Variants in NCKAP5 observed in about 807,000 individuals in gnomAD.
The protein encoded by NCKAP5 is nck-associated protein 5.
In NCKAP5, 92 loss-of-function variants were observed where a neutral mutation model predicts 167.0. The ratio of observed to expected loss-of-function variants is 0.55; its 90% CI spans 0.47 to 0.66. The LOEUF (loss-of-function observed/expected upper bound fraction) is 0.66. Ranked by LOEUF, NCKAP5 falls within the 30% of genes least tolerant of loss-of-function variation. The probability of loss-of-function intolerance (pLI) is 0.00; values close to 1 mark genes in which losing one functional copy is unlikely to be tolerated. For synonymous variants in NCKAP5, 891 were observed against 877.4 expected (o/e 1.02, Z -0.27); for missense variants, 2,378 against 2,315.0 (o/e 1.03, Z -0.56).
the NCKAP5 span, among the ~76,000 whole-genome samples, chr2:133,622,213 G>A: frequency 1.2e-4 from 18 of 152,176 alleles, 1 homozygote; most frequent in African/African-American, 4.3e-4. Flanking sequence ...CACTCCCCCT[G>A]AGAACTAGAC....
At chr2:132,910,255 G>A (rs1044095281) in intron 8 of NCKAP5, among the ~76,000 whole-genome samples, 3 of 152,066 alleles carry the variant, frequency 2.0e-5, no homozygotes, top group African/African-American at 7.2e-5. Flanking sequence ...GTGTTACAAA[G>A]AATCCAATTA....
At chr2:133,001,302 C>G (rs1375110338) in intron 6 of NCKAP5, among the ~76,000 whole-genome samples, 4 of 151,158 alleles carry the variant, frequency 2.6e-5, no homozygotes, top group Admixed American at 1.3e-4. Context: ...TCACTGCAAC[C>G]TTTGCTTCCC....
At chr2:132,962,563 A>G (rs566293497) in intron 8 of NCKAP5, among the ~76,000 whole-genome samples, 19 of 152,066 alleles carry the variant, frequency 1.2e-4, no homozygotes, top group Non-Finnish European at 2.5e-4. Context: ...GCAAGCATAG[A>G]AAACAAGGCC....
At chr2:133,553,401 G>C (rs1484661160) in intron 2 of NCKAP5, among the ~76,000 whole-genome samples, 2 of 152,156 alleles carry the variant, frequency 1.3e-5, no homozygotes, top group African/African-American at 4.8e-5. Flanking sequence ...AGGCAGGGAA[G>C]GAATGCTGGG....
At chr2:132,896,879 C>T (rs909769055) in intron 8 of NCKAP5, among the ~76,000 whole-genome samples, 2 of 152,138 alleles carry the variant, frequency 1.3e-5, no homozygotes, top group Non-Finnish European at 2.9e-5. Flanking sequence ...TAGGAACACA[C>T]GGTTTCAAGC....
intron 8 of NCKAP5, among the ~76,000 whole-genome samples, chr2:132,950,132 AG>A (rs2076140785): frequency 6.6e-6 from 1 of 152,148 alleles, no homozygotes; most frequent in African/African-American, 2.4e-5. Flanking sequence ...AAATTACTTT[AG>A]TCTGTTCACT....
In NCKAP5 at chr2:133,044,311, C is replaced by T. The variant is rs531412059; in HGVS notation, c.342-50072G>A. Among the ~76,000 whole-genome samples the T allele has an allele frequency of 1.9e-3, 284 of 152,136 alleles. 1 individual carries two copies. Among genetic ancestry groups the T allele is most frequent in the African/African-American group, 6.3e-3 (260 of 41,506 alleles). ...AAATAAAAACATCAAAAATGCAAGA[C>T]ACAAAGTGAAAGAAGATAGTTGCAA... On this transcript the variant is annotated intron_variant, in intron 6 of 19. Transcript: ENST00000409261.
At chr2:133,042,858 C>G (rs1409416896) in intron 6 of NCKAP5, among the ~76,000 whole-genome samples, 1 of 152,066 alleles carries the variant, frequency 6.6e-6, no homozygotes, top group South Asian at 2.1e-4. Context: ...TGTCATTGCT[C>G]TTTTGTATTG....
intron 6 of NCKAP5, among the ~76,000 whole-genome samples, chr2:133,093,027 C>T (rs907695878): frequency 1.1e-4 from 16 of 152,204 alleles, no homozygotes; most frequent in Admixed American, 9.8e-4. Context: ...CTGTGCCTTA[C>T]CTTCCTCATC....
intron 11 of NCKAP5, among the ~76,000 whole-genome samples, chr2:132,845,695 A>G (rs1189248076): frequency 3.9e-5 from 6 of 152,184 alleles, no homozygotes; most frequent in African/African-American, 1.4e-4. Context: ...TTGAAGTACC[A>G]CAGGGTAATT....
chr2:132,867,068 T>C (rs978677610), intron 10 of NCKAP5, among the ~76,000 whole-genome samples: 2 of 152,142 alleles, frequency 1.3e-5, no homozygotes, highest in African/African-American at 4.8e-5. Context: ...ACTGCTTAAT[T>C]GTACCAAGGT....
At chr2:132,899,440 A>G (rs988776550) in intron 8 of NCKAP5, among the ~76,000 whole-genome samples, 2 of 152,270 alleles carry the variant, frequency 1.3e-5, no homozygotes, top group African/African-American at 2.4e-5. Context: ...TCACTGGAGT[A>G]CCACTGTTAA....
intron 11 of NCKAP5, among the ~76,000 whole-genome samples, chr2:132,850,591 A>G (rs1176563483): frequency 1.3e-5 from 2 of 151,996 alleles, no homozygotes; most frequent in African/African-American, 4.8e-5. Flanking sequence ...AGCTTTATCA[A>G]TGTAACTACA....
chr2:133,281,263 G>A (rs1218802580), intron 4 of NCKAP5, among the ~76,000 whole-genome samples: 3 of 152,072 alleles, frequency 2.0e-5, no homozygotes, highest in Non-Finnish European at 4.4e-5. Context: ...CTATAACTTT[G>A]TTTATAAAGA....
intron 6 of NCKAP5, among the ~76,000 whole-genome samples, chr2:133,010,147 T>G (rs1371362677): frequency 6.6e-6 from 1 of 152,000 alleles, no homozygotes; most frequent in Admixed American, 6.6e-5. Flanking sequence ...TTTTGAAAAA[T>G]AAGTTGGACT....
At chr2:133,228,475 G>A (rs2086996404) in intron 4 of NCKAP5, among the ~76,000 whole-genome samples, 1 of 152,010 alleles carries the variant, frequency 6.6e-6, no homozygotes, top group Admixed American at 6.6e-5. Context: ...CCTAGTTATT[G>A]TGACTTAACA....
At chr2:132,723,957 G>A (rs1232890322) in intron 19 of NCKAP5, among the ~76,000 whole-genome samples, 2 of 152,288 alleles carry the variant, frequency 1.3e-5, no homozygotes, top group Non-Finnish European at 2.9e-5. Context: ...GGCATACAGG[G>A]TTCTAGGGTT....
chr2:133,030,656 ATAT>A (rs1442649410), intron 6 of NCKAP5, among the ~76,000 whole-genome samples: 1 of 152,144 alleles, frequency 6.6e-6, no homozygotes, highest in Non-Finnish European at 1.5e-5. Context: ...GTTATTGCAA[ATAT>A]TATTTTTTAT....
chr2:133,108,890 C>T (rs1025307594), intron 6 of NCKAP5, among the ~76,000 whole-genome samples: 3 of 152,128 alleles, frequency 2.0e-5, no homozygotes, highest in African/African-American at 7.2e-5. Context: ...TGATAATATT[C>T]CATTGTGTCT....
Sources: gnomAD v4.1 joint callset for allele counts (sites outside exome capture counted in the v4.1 genomes callset) on GRCh38, gnomAD v4.1.1 for gene constraint, MANE v1.5 for transcripts, NCBI Gene and HGNC (gene_info 2026-07-23, HGNC 2026-07-21) for gene names.